ABTB3: variants seen among roughly 807,000 people sequenced by gnomAD.
ABTB3 encodes the protein ankyrin repeat- and BTB/POZ domain-containing protein 3.
chr12:107,336,270 G>T, the ABTB3 span, among the ~76,000 whole-genome samples: 1 of 152,190 alleles, frequency 6.6e-6, no homozygotes, highest in Non-Finnish European at 1.5e-5. Flanking sequence ...ATTCCCAAAC[G>T]CTGACGTGAG....
At chr12:107,472,955 C>T in the ABTB3 span, among the ~76,000 whole-genome samples, 13 of 152,220 alleles carry the variant, frequency 8.5e-5, no homozygotes, top group Non-Finnish European at 1.8e-4. Flanking sequence ...TCCCACCAGG[C>T]GACAGAAGCT....
At chr12:107,346,080 T>A in the ABTB3 span, among the ~76,000 whole-genome samples, 1 of 152,202 alleles carries the variant, frequency 6.6e-6, no homozygotes, top group African/African-American at 2.4e-5. Flanking sequence ...CACCTGGGGC[T>A]GTTGAGAGTG....
At chr12:107,387,479 C>T in the ABTB3 span, among the ~76,000 whole-genome samples, 1 of 152,158 alleles carries the variant, frequency 6.6e-6, no homozygotes, top group South Asian at 2.1e-4. Context: ...AGTGGCAATC[C>T]AGGCAAAGTC....
chr12:107,580,585 T>C, the ABTB3 span: 4 of 204,628 alleles, frequency 2.0e-5, no homozygotes, highest in Admixed American at 1.0e-4. Context: ...TGGCTCTCTT[T>C]AGAGAGCCTT....
chr12:107,340,563 G>A, the ABTB3 span, among the ~76,000 whole-genome samples: 5 of 152,094 alleles, frequency 3.3e-5, no homozygotes, highest in Non-Finnish European at 5.9e-5. Flanking sequence ...TGGAGGTGGG[G>A]AAGGGAAAAA....
chr12:107,650,379 T>C, the ABTB3 span: 1 of 152,410 alleles, frequency 6.6e-6, no homozygotes, highest in South Asian at 2.1e-4. Flanking sequence ...CCTTTCTTCC[T>C]ATTCTGTGAA....
the ABTB3 span, among the ~76,000 whole-genome samples, chr12:107,376,173 G>A: frequency 1.3e-5 from 2 of 151,860 alleles, no homozygotes; most frequent in Admixed American, 6.6e-5. Context: ...ACCACCCTGC[G>A]CTCCAGCCAT....
At chr12:107,594,810 C>G in the ABTB3 span, among the ~76,000 whole-genome samples, 1 of 152,066 alleles carries the variant, frequency 6.6e-6, no homozygotes, top group Non-Finnish European at 1.5e-5. Context: ...CTTACAAAAT[C>G]CTGTAATGGG....
At chr12:107,328,566 C>G in the ABTB3 span, among the ~76,000 whole-genome samples, 2 of 152,182 alleles carry the variant, frequency 1.3e-5, no homozygotes, top group African/African-American at 4.8e-5. Context: ...GGGGAACTAC[C>G]AGTTGCTGAA....
At chr12:107,611,324 G>C in the ABTB3 span, among the ~76,000 whole-genome samples, 3 of 152,128 alleles carry the variant, frequency 2.0e-5, no homozygotes, top group East Asian at 5.8e-4. Context: ...GGGACTACAG[G>C]TGTGCACCAC....
the ABTB3 span, among the ~76,000 whole-genome samples, chr12:107,456,383 C>T: frequency 9.7e-4 from 148 of 152,330 alleles, no homozygotes; most frequent in African/African-American, 3.4e-3. Context: ...CTCGCATTAC[C>T]GCCTAAGCGG....
At chr12:107,469,951 T>TCTC in the ABTB3 span, among the ~76,000 whole-genome samples, 2 of 38,770 alleles carry the variant, frequency 5.2e-5, no homozygotes, top group African/African-American at 1.6e-4. Context: ...TCTCTTTCTT[T>TCTC]CTTTCTTTCT....
At chr12:107,441,832 T>C in the ABTB3 span, among the ~76,000 whole-genome samples, 94 of 150,174 alleles carry the variant, frequency 6.3e-4, no homozygotes, top group African/African-American at 2.3e-3. Flanking sequence ...CTCAGCTACT[T>C]GGGAGGCTGA....
the ABTB3 span, chr12:107,318,939 C>T: frequency 1.9e-6 from 3 of 1,591,584 alleles, no homozygotes; most frequent in South Asian, 1.1e-5. Flanking sequence ...AGTGGCGCAG[C>T]GATGGCCAGG....
chr12:107,545,535 G>A, the ABTB3 span, among the ~76,000 whole-genome samples: 1 of 152,042 alleles, frequency 6.6e-6, no homozygotes, highest in African/African-American at 2.4e-5. Flanking sequence ...GAGCAATCAT[G>A]CCAGGCTACT....
chr12:107,598,929 C>G, the ABTB3 span, among the ~76,000 whole-genome samples: 93 of 152,342 alleles, frequency 6.1e-4, 1 homozygote, highest in African/African-American at 2.2e-3. Flanking sequence ...GAACTGTTCT[C>G]AAGGGTCTGG....
chr12:107,520,565 T>C, the ABTB3 span: 1 of 1,614,222 alleles, frequency 6.2e-7, no homozygotes, highest in Non-Finnish European at 8.5e-7. Flanking sequence ...CTGCCCATGT[T>C]CAGCCAGTCG....
At chr12:107,321,528 G>A in the ABTB3 span, among the ~76,000 whole-genome samples, 4 of 151,948 alleles carry the variant, frequency 2.6e-5, no homozygotes, top group African/African-American at 4.8e-5. Flanking sequence ...AGACTCTTCG[G>A]GATCTCTTTG....
At chr12:107,642,990 C>T in the ABTB3 span, among the ~76,000 whole-genome samples, 9 of 152,280 alleles carry the variant, frequency 5.9e-5, no homozygotes, top group East Asian at 7.7e-4. Flanking sequence ...ACTCCCCAGC[C>T]GGCTTTGCAC....
Sources: gnomAD v4.1 joint callset for allele counts (sites outside exome capture counted in the v4.1 genomes callset) on GRCh38, gnomAD v4.1.1 for gene constraint, MANE v1.5 for transcripts, NCBI Gene and HGNC (gene_info 2026-07-23, HGNC 2026-07-21) for gene names.